The following ADGRG6 variants were observed in gnomAD, a reference collection of about 807,000 sequenced individuals.
ADGRG6 encodes G-protein coupled receptor 126.
A neutral mutation model predicts 142.4 loss-of-function variants in ADGRG6; 84 were observed. That is an observed-to-expected ratio of 0.59 (90% confidence interval 0.49 to 0.71). ADGRG6 has a LOEUF of 0.71. Among genes scored for constraint, ADGRG6 ranks in the 30% least tolerant of loss-of-function variants. The pLI, the probability that ADGRG6 is intolerant of heterozygous loss-of-function variation, is 0.00. For synonymous variants in ADGRG6, 521 were observed against 520.5 expected (o/e 1.00, Z -0.01); for missense variants, 1,367 against 1,466.6 (o/e 0.93, Z 1.11).
chr6:142,369,898 C>T (rs1464947534), intron 3 of ADGRG6, among the ~76,000 whole-genome samples: 1 of 152,076 alleles, frequency 6.6e-6, no homozygotes, highest in Non-Finnish European at 1.5e-5. Context: ...TTAAAAAATA[C>T]TTATCAACTT....
chr6:142,302,640 A>G, intron 1 of ADGRG6: 1 of 403,396 alleles, frequency 2.5e-6, no homozygotes, highest in African/African-American at 2.0e-5. Flanking sequence ...CGTGTTTTCA[A>G]TTCAAATTAA....
chr6:142,417,917 G>C (rs1776447602), intron 21 of ADGRG6, among the ~76,000 whole-genome samples: 1 of 152,080 alleles, frequency 6.6e-6, no homozygotes, highest in Non-Finnish European at 1.5e-5. Flanking sequence ...TATGTTGATT[G>C]AAAAAATTAC....
chr6:142,406,989 C>G (rs1337212070), intron 15 of ADGRG6, among the ~76,000 whole-genome samples: 1 of 151,920 alleles, frequency 6.6e-6, no homozygotes, highest in African/African-American at 2.4e-5. Context: ...TGAGTCTTCT[C>G]CATATCATTG....
intron 2 of ADGRG6, among the ~76,000 whole-genome samples, chr6:142,328,986 T>C (rs1778914233): frequency 6.6e-6 from 1 of 152,148 alleles, no homozygotes; most frequent in Non-Finnish European, 1.5e-5. Flanking sequence ...TAGTAGAGTA[T>C]AATGGTTCAG....
At chr6:142,407,177 A>C (rs1775846461) in intron 15 of ADGRG6, among the ~76,000 whole-genome samples, 1 of 151,072 alleles carries the variant, frequency 6.6e-6, no homozygotes, top group Admixed American at 6.6e-5. Flanking sequence ...CTTTAAAAAA[A>C]AAAAAAAAAA....
chr6:142,410,586 G>T lies in ADGRG6; in HGVS notation c.2434+667G>T, dbSNP rs1289957494. Among the ~76,000 whole-genome samples the T allele has an allele frequency of 2.0e-4, 31 of 152,002 alleles. 2 individuals are homozygous for T. The highest frequency in any genetic ancestry group is 2.0e-3 in the Admixed American group (31 of 15,240). On this transcript the variant is annotated intron_variant, in intron 17 of 24. Coordinates refer to ENST00000367609, the MANE Select transcript of ADGRG6 (RefSeq NM_198569.3). ...AGATTCATTCTGATATAAAGGCAGG[G>T]TACTTTGCTGATGAAAACAGCCTGA...
At chr6:142,318,173 T>TTATATAA (rs1464794652) in intron 2 of ADGRG6, among the ~76,000 whole-genome samples, 5 of 9,148 alleles carry the variant, frequency 5.5e-4, no homozygotes, top group African/African-American at 1.0e-3. Flanking sequence ...TATTATATAT[T>TTATATAA]TATATATTAT....
intron 2 of ADGRG6, among the ~76,000 whole-genome samples, chr6:142,331,487 T>G (rs1779061652): frequency 6.6e-6 from 1 of 152,116 alleles, no homozygotes; most frequent in South Asian, 2.1e-4. Context: ...ATGACGAAAA[T>G]GCAGTGGGAA....
At chr6:142,425,159 A>C (rs1176567513) in intron 22 of ADGRG6, among the ~76,000 whole-genome samples, 1 of 152,174 alleles carries the variant, frequency 6.6e-6, no homozygotes, top group Non-Finnish European at 1.5e-5. Flanking sequence ...TAAACACAAT[A>C]GGAAGTCTTT....
At chr6:142,438,971 C>T (rs1777616079) in intron 24 of ADGRG6, among the ~76,000 whole-genome samples, 1 of 152,106 alleles carries the variant, frequency 6.6e-6, no homozygotes, top group Non-Finnish European at 1.5e-5. Context: ...TGTGAAAAAT[C>T]CTGACGACAC....
At chr6:142,341,492 A>G (rs1406431705) in intron 2 of ADGRG6, among the ~76,000 whole-genome samples, 9 of 117,824 alleles carry the variant, frequency 7.6e-5, no homozygotes, top group African/African-American at 2.7e-4. Context: ...TATACTATAT[A>G]ATATTATATA....
intron 15 of ADGRG6, among the ~76,000 whole-genome samples, chr6:142,407,262 C>T (rs886549351): frequency 6.6e-6 from 1 of 150,744 alleles, no homozygotes; most frequent in African/African-American, 2.4e-5. Flanking sequence ...TGTGGTGCTC[C>T]CCTATCATAG....
intron 6 of ADGRG6, among the ~76,000 whole-genome samples, chr6:142,385,479 ATACTATT>A (rs1583070847): frequency 6.6e-6 from 1 of 152,170 alleles, no homozygotes; most frequent in African/African-American, 2.4e-5. Flanking sequence ...TGAACCACCT[ATACTATT>A]TACTATGTTT....
At chr6:142,433,279 C>G (rs981899099) in intron 22 of ADGRG6, among the ~76,000 whole-genome samples, 1 of 152,202 alleles carries the variant, frequency 6.6e-6, no homozygotes, top group Non-Finnish European at 1.5e-5. Context: ...TCAGTCCACT[C>G]TACTCTGTAA....
Position 142,316,714 on chromosome 6 carries a change from A to G in ADGRG6, c.103+7070A>G, listed in dbSNP as rs554447740. ...CTTATTGAATAGAGTTTTAAGGCAG[A>G]GTTTCTGATCACAGTGATTTCAGTG... On this transcript the variant is annotated intron_variant, in intron 2 of 24. Coordinates refer to ENST00000367609, the MANE Select transcript of ADGRG6 (RefSeq NM_198569.3). Among the ~76,000 whole-genome samples the G allele has an allele frequency of 3.3e-5, 5 of 152,266 alleles. No individual in the cohort carries two copies. In the East Asian group the frequency reaches 7.7e-4, roughly 23 times the overall value.
Position 142,444,079 on chromosome 6 carries a change from T to C in ADGRG6, c.*564T>C, listed in dbSNP as rs1424602592. 1 of 152,220 alleles carries C rather than the reference T, an allele frequency of 6.6e-6. No individual in the cohort carries two copies. The highest frequency in any genetic ancestry group is 1.5e-5 in the Non-Finnish European group (1 of 68,036). The allele number at this position is 152,220 out of a possible 1,614,324, so 9.4% of individuals were successfully genotyped here. ...CCAAAGATTAAAAAGGATTTTTTAT[T>C]ATTTTAAATATTACACCTTCAGAAC... On this transcript the variant is annotated 3_prime_UTR_variant, in exon 25 of 25. Transcript: ENST00000367609.
chr6:142,340,698 C>A (rs1053847265), intron 2 of ADGRG6, among the ~76,000 whole-genome samples: 4 of 152,024 alleles, frequency 2.6e-5, no homozygotes, highest in African/African-American at 9.7e-5. Flanking sequence ...ATTCTTGTCC[C>A]CCCACATCAT....
chr6:142,339,980 C>CA (rs1307669316), intron 2 of ADGRG6, among the ~76,000 whole-genome samples: 1 of 151,920 alleles, frequency 6.6e-6, no homozygotes, highest in Non-Finnish European at 1.5e-5. Context: ...GATAAACTGG[C>CA]AAAAAAGCTT....
At chr6:142,346,803 C>T (rs1451098146) in intron 2 of ADGRG6, among the ~76,000 whole-genome samples, 1 of 148,160 alleles carries the variant, frequency 6.7e-6, no homozygotes, top group Non-Finnish European at 1.5e-5. Flanking sequence ...CATGCTCTCA[C>T]TCGTAAGTGG....
Sources: allele counts gnomAD v4.1 joint callset (sites outside exome capture counted in the v4.1 genomes callset), GRCh38; gene constraint gnomAD v4.1.1; transcripts MANE v1.5; gene names NCBI Gene and HGNC (gene_info 2026-07-23, HGNC 2026-07-21).